KHDRBS2: variants seen among roughly 807,000 people sequenced by gnomAD.
KHDRBS2 encodes the protein KH RNA binding domain containing, signal transduction associated 2.
Under a neutral mutation model 44.3 loss-of-function variants are expected in KHDRBS2, and 26 were observed. The observed-to-expected ratio is 0.59, with a 90% CI of 0.43 to 0.81. KHDRBS2 has a LOEUF of 0.81. Among genes scored for constraint, KHDRBS2 ranks in the 40% least tolerant of loss-of-function variants. The pLI, the probability that KHDRBS2 is intolerant of heterozygous loss-of-function variation, is 0.00. For missense variants in KHDRBS2, 476 were observed against 433.1 expected, an observed-to-expected ratio of 1.10 and a Z score of -0.88; for synonymous variants, 194 against 151.1, an observed-to-expected ratio of 1.28 and a Z score of -2.08.
the KHDRBS2 span, among the ~76,000 whole-genome samples, chr6:61,667,522 A>G: frequency 3.3e-5 from 5 of 151,324 alleles, no homozygotes; most frequent in Non-Finnish European, 7.4e-5. Flanking sequence ...CCAATATACC[A>G]GTTAAGAAAA....
At chr6:62,227,570 A>G (rs560546818) in intron 1 of KHDRBS2, among the ~76,000 whole-genome samples, 4 of 152,276 alleles carry the variant, frequency 2.6e-5, no homozygotes, top group East Asian at 1.9e-4. Flanking sequence ...ATTGAATAGG[A>G]GCAGTAAGAG....
chr6:62,046,157 T>C (rs1464331135), intron 3 of KHDRBS2, among the ~76,000 whole-genome samples: 1 of 151,904 alleles, frequency 6.6e-6, no homozygotes, highest in Admixed American at 6.6e-5. Flanking sequence ...TATTAGTAAA[T>C]TAAACCTCAT....
At chr6:62,266,927 T>C (rs533037249) in intron 1 of KHDRBS2, among the ~76,000 whole-genome samples, 35 of 152,156 alleles carry the variant, frequency 2.3e-4, no homozygotes, top group South Asian at 1.7e-3. Context: ...TAAAAAATAT[T>C]TTTTCTTTAG....
chr6:61,907,682 GT>G (rs1203579699), intron 4 of KHDRBS2, among the ~76,000 whole-genome samples: 1 of 152,102 alleles, frequency 6.6e-6, no homozygotes, highest in African/African-American at 2.4e-5. Context: ...CCTAATGTAT[GT>G]TCTTGGTACC....
At chr6:62,133,977 A>C (rs1810940248) in intron 2 of KHDRBS2, among the ~76,000 whole-genome samples, 1 of 152,296 alleles carries the variant, frequency 6.6e-6, no homozygotes, top group Admixed American at 6.5e-5. Flanking sequence ...AGAACATAAA[A>C]GTTTGGAAAA....
At chr6:62,076,939 A>C (rs1354358952) in intron 2 of KHDRBS2, among the ~76,000 whole-genome samples, 1 of 151,946 alleles carries the variant, frequency 6.6e-6, no homozygotes, top group Non-Finnish European at 1.5e-5. Flanking sequence ...CTAGCTACTC[A>C]GGAGGCTGCG....
chr6:62,143,633 C>T (rs1813316835), intron 2 of KHDRBS2, among the ~76,000 whole-genome samples: 1 of 151,868 alleles, frequency 6.6e-6, no homozygotes, highest in Non-Finnish European at 1.5e-5. Flanking sequence ...TTCTATAGGA[C>T]GTGATTTTGC....
At chr6:62,109,167 A>C (rs1231280507) in intron 2 of KHDRBS2, among the ~76,000 whole-genome samples, 2 of 152,002 alleles carry the variant, frequency 1.3e-5, no homozygotes, top group Non-Finnish European at 2.9e-5. Flanking sequence ...CTAGAAATGC[A>C]AAGTTGTTTA....
At chr6:61,764,806 A>T (rs1779760320) in intron 6 of KHDRBS2, among the ~76,000 whole-genome samples, 1 of 152,090 alleles carries the variant, frequency 6.6e-6, no homozygotes, top group South Asian at 2.1e-4. Context: ...TAGATTGCAA[A>T]ACTGTTCTTC....
intron 2 of KHDRBS2, among the ~76,000 whole-genome samples, chr6:62,058,833 G>T (rs1268114046): frequency 6.6e-6 from 1 of 151,520 alleles, no homozygotes; most frequent in Non-Finnish European, 1.5e-5. Flanking sequence ...AAACAGAGAA[G>T]AAAAGCAGAA....
the KHDRBS2 span, among the ~76,000 whole-genome samples, chr6:61,607,543 A>AAAAAAAAAAAAT: frequency 1.3e-5 from 2 of 148,550 alleles, no homozygotes; most frequent in Admixed American, 6.7e-5. Flanking sequence ...AAAAAAAAAA[A>AAAAAAAAAAAAT]AAGATGTGTG....
intron 3 of KHDRBS2, among the ~76,000 whole-genome samples, chr6:62,020,641 T>C (rs962125414): frequency 1.3e-5 from 2 of 152,094 alleles, no homozygotes; most frequent in South Asian, 2.1e-4. Context: ...GTAAACTTTA[T>C]AATTTTTATA....
chr6:61,666,650 T>C, the KHDRBS2 span, among the ~76,000 whole-genome samples: 2 of 151,534 alleles, frequency 1.3e-5, no homozygotes, highest in Middle Eastern at 3.4e-3. Flanking sequence ...GAAAATAGAG[T>C]AAGCCTAAGA....
chr6:62,039,524 T>TA (rs1786025476), intron 3 of KHDRBS2, among the ~76,000 whole-genome samples: 1 of 152,038 alleles, frequency 6.6e-6, no homozygotes, highest in African/African-American at 2.4e-5. Flanking sequence ...TTTTCTCTAA[T>TA]ATAACAATCT....
At chr6:61,617,416 T>C in the KHDRBS2 span, among the ~76,000 whole-genome samples, 2 of 129,596 alleles carry the variant, frequency 1.5e-5, no homozygotes, top group Non-Finnish European at 3.4e-5. Context: ...CTTATTTTGA[T>C]TATCTTCTTT....
intron 6 of KHDRBS2, among the ~76,000 whole-genome samples, chr6:61,798,544 T>C (rs1398471883): frequency 1.3e-5 from 2 of 152,092 alleles, no homozygotes; most frequent in Non-Finnish European, 2.9e-5. Flanking sequence ...CATTTTATGC[T>C]CTCTACTACA....
chr6:62,080,691 C>T (rs563118047), intron 2 of KHDRBS2, among the ~76,000 whole-genome samples: 16 of 152,206 alleles, frequency 1.1e-4, no homozygotes, highest in African/African-American at 3.9e-4. Flanking sequence ...CAGTATCGTG[C>T]TCTGTGTCCT....
intron 4 of KHDRBS2, 58 bp from the exon 5 acceptor site, chr6:61,901,429 GAAA>G (rs202202725): frequency 1.8e-4 from 179 of 986,970 alleles, no homozygotes; most frequent in South Asian, 4.4e-4. Flanking sequence ...CTCAGAGTTG[GAAA>G]AAAAAAAAAA....
chr6:61,689,673 C>A (rs1007449469), intron 8 of KHDRBS2, among the ~76,000 whole-genome samples: 1 of 151,988 alleles, frequency 6.6e-6, no homozygotes, highest in Non-Finnish European at 1.5e-5. Flanking sequence ...CATGAGGGAG[C>A]TTCTACTGGG....
Sources: gnomAD v4.1 joint callset for allele counts (sites outside exome capture counted in the v4.1 genomes callset) on GRCh38, gnomAD v4.1.1 for gene constraint, MANE v1.5 for transcripts, NCBI Gene and HGNC (gene_info 2026-07-23, HGNC 2026-07-21) for gene names.